The following BOC variants were observed in gnomAD, a reference collection of about 807,000 sequenced individuals.
The protein encoded by BOC is brother of CDO.
BOC carries 76 observed loss-of-function variants against 112.0 expected under a neutral mutation model. The ratio of observed to expected loss-of-function variants is 0.68; its 90% CI spans 0.56 to 0.82. The LOEUF (loss-of-function observed/expected upper bound fraction) is 0.82, where lower values mean the gene tolerates loss of function less well. Among genes scored for constraint, BOC ranks in the 40% least tolerant of loss-of-function variants. The probability of loss-of-function intolerance (pLI) is 0.00; values close to 1 mark genes in which losing one functional copy is unlikely to be tolerated. For synonymous variants in BOC, 580 were observed against 599.8 expected (o/e 0.97, Z 0.48); for missense variants, 1,309 against 1,511.7 (o/e 0.87, Z 2.22).
chr3:113,266,750 C>T (rs971640763), intron 4 of BOC, among the ~76,000 whole-genome samples: 6 of 152,336 alleles, frequency 3.9e-5, no homozygotes, highest in East Asian at 1.9e-4. Flanking sequence ...ACTCGGTCCA[C>T]GCCCCTAAAG....
intron 2 of BOC, among the ~76,000 whole-genome samples, chr3:113,221,881 C>T (rs939986601): frequency 6.6e-6 from 1 of 152,192 alleles, no homozygotes; most frequent in South Asian, 2.1e-4. Context: ...CTCCCTTCCC[C>T]CCTTGCCTAC....
chr3:113,287,109 AGGCT>A lies in BOC; in HGVS notation c.*251_*254del. The A allele has an allele frequency of 1.9e-6, 1 of 516,708 alleles. No individual in the cohort carries two copies. The highest frequency in any genetic ancestry group is 1.5e-5 in the South Asian group (1 of 64,874). The allele number at this position is 516,708 out of a possible 1,614,324, so 32.0% of individuals were successfully genotyped here. On this transcript the variant is annotated 3_prime_UTR_variant, in exon 20 of 20. Coordinates refer to ENST00000682979, the MANE Select transcript of BOC (RefSeq NM_001378074.1). Reference sequence around the variant, plus strand: ...GGAGTCACCCAGGAAAGCACCGCACAGGCTGGCGCGGGACAGACTCCTAACCTGG... The same window carrying A: ...GGAGTCACCCAGGAAAGCACCGCACAGGCGCGGGACAGACTCCTAACCTGG...
intron 18 of BOC, 107 bp downstream of exon 18, chr3:113,284,965 C>A: frequency 1.0e-6 from 1 of 1,004,082 alleles, no homozygotes; most frequent in Non-Finnish European, 1.5e-6. Context: ...GTGCTGTACT[C>A]AGGGGTCCCC....
At chr3:113,258,821 T>G (rs1946508169) in intron 4 of BOC, among the ~76,000 whole-genome samples, 2 of 152,240 alleles carry the variant, frequency 1.3e-5, no homozygotes. Flanking sequence ...ATAAGTTATG[T>G]GTATTTTACT....
intron 2 of BOC, among the ~76,000 whole-genome samples, chr3:113,247,408 A>G (rs76207821): frequency 0.032 from 4,882 of 151,820 alleles, 145 homozygotes; most frequent in East Asian, 0.084. Flanking sequence ...TTTTTGGTGT[A>G]AACTTTCCCT....
intron 4 of BOC, among the ~76,000 whole-genome samples, chr3:113,255,486 T>TAAA (rs1946133854): frequency 6.6e-6 from 1 of 152,198 alleles, no homozygotes; most frequent in Non-Finnish European, 1.5e-5. Flanking sequence ...TTTTAAGATT[T>TAAA]TTTGATAATT....
intron 1 of BOC, among the ~76,000 whole-genome samples, 190 bp from the exon 2 acceptor site, chr3:113,215,997 C>T (rs1939297314): frequency 6.6e-6 from 1 of 152,170 alleles, no homozygotes; most frequent in Non-Finnish European, 1.5e-5. Flanking sequence ...TTCATTTCAG[C>T]AGGGAGCCAG....
In BOC at chr3:113,275,954, G is replaced by C. The variant is rs540612030; in HGVS notation, c.1542+1272G>C. ...CCCTCTGCTGCCTCCCCAGAGGCAG[G>C]GGGACGGGGCGAGCAGTTTCTCATT... On this transcript the variant is annotated intron_variant, in intron 9 of 19. Transcript: ENST00000682979. Among the ~76,000 whole-genome samples, 230 of 152,334 alleles carry C rather than the reference G, an allele frequency of 1.5e-3. 2 individuals carry two copies. Among genetic ancestry groups the C allele is most frequent in the African/African-American group, 5.2e-3 (216 of 41,564 alleles).
At chr3:113,221,513 G>A (rs531004769) in intron 2 of BOC, among the ~76,000 whole-genome samples, 25 of 152,222 alleles carry the variant, frequency 1.6e-4, no homozygotes, top group African/African-American at 4.6e-4. Flanking sequence ...CATTCTACCA[G>A]GTGTGCCAAA....
chr3:113,277,275 C>A (rs970237383), intron 9 of BOC, among the ~76,000 whole-genome samples: 1 of 152,226 alleles, frequency 6.6e-6, no homozygotes, highest in African/African-American at 2.4e-5. Context: ...TATACAACTT[C>A]TCTCATTTAA....
At chr3:113,251,639 T>C (rs1292888424) in intron 4 of BOC, 1 of 152,200 alleles carries the variant, frequency 6.6e-6, no homozygotes, top group Non-Finnish European at 1.5e-5. Context: ...TTTTTTCCTA[T>C]TATGTGACAA....
At chr3:113,268,152 G>T in intron 4 of BOC, 147 bp from the exon 5 acceptor site, 2 of 1,263,466 alleles carry the variant, frequency 1.6e-6, no homozygotes, top group Non-Finnish European at 2.2e-6. Context: ...GACAACAAGG[G>T]GCTGGAGGAA....
At chr3:113,256,960 T>C (rs1946289332) in intron 4 of BOC, among the ~76,000 whole-genome samples, 1 of 152,216 alleles carries the variant, frequency 6.6e-6, no homozygotes, top group South Asian at 2.1e-4. Flanking sequence ...ATGTCTTTGC[T>C]ATTAATACCC....
At chr3:113,255,784 C>T (rs1483649364) in intron 4 of BOC, among the ~76,000 whole-genome samples, 2 of 152,204 alleles carry the variant, frequency 1.3e-5, no homozygotes, top group Non-Finnish European at 2.9e-5. Context: ...CGCCACTCAA[C>T]CTCATGAATC....
intron 9 of BOC, among the ~76,000 whole-genome samples, chr3:113,276,390 T>C (rs1447171981): frequency 6.6e-6 from 1 of 151,622 alleles, no homozygotes; most frequent in Non-Finnish European, 1.5e-5. Context: ...AGGCCAGTGC[T>C]GGGAGGGCAG....
At chr3:113,269,110 A>G (rs1947832527) in intron 5 of BOC, among the ~76,000 whole-genome samples, 1 of 152,192 alleles carries the variant, frequency 6.6e-6, no homozygotes, top group Non-Finnish European at 1.5e-5. Flanking sequence ...AAGGCTGCCT[A>G]ATAAGCCCAT....
chr3:113,278,219 C>T lies in BOC; in HGVS notation c.1667C>T (p.Ala556Val), dbSNP rs746840045. ...GTGGAGATGGCAGCTTACAACTGTGCGGGAGAGGGCCAGACAGCCATGGTC... is the reference window on the plus strand; with the variant it reads ...GTGGAGATGGCAGCTTACAACTGTGTGGGAGAGGGCCAGACAGCCATGGTC... ...YEVEMAAYNC[A>V]GEGQTAMVTF... The change falls in exon 10 of 20, where the codon GCG becomes GTG. Residue 556 changes from alanine to valine, a missense_variant. Transcript: ENST00000682979. This position sits in a 1 kb window ranked among gnomAD's most constrained non-coding sequence, Gnocchi z 4.2. 27 of 1,614,120 alleles carry T rather than the reference C, an allele frequency of 1.7e-5. No homozygotes were observed. The highest frequency in any genetic ancestry group is 1.6e-4 in the Middle Eastern group (1 of 6,062).
chr3:113,275,987 C>T (rs908344685), intron 9 of BOC, among the ~76,000 whole-genome samples: 1 of 152,186 alleles, frequency 6.6e-6, no homozygotes, highest in Admixed American at 6.6e-5. Context: ...ATTAGCCCTC[C>T]ACCTGCTGGC....
At chr3:113,276,565 C>T (rs571589348) in intron 9 of BOC, among the ~76,000 whole-genome samples, 12 of 152,324 alleles carry the variant, frequency 7.9e-5, no homozygotes, top group East Asian at 1.9e-4. Context: ...AAAGATCACC[C>T]GAGAAAGAAT....
Sources: allele counts gnomAD v4.1 joint callset (sites outside exome capture counted in the v4.1 genomes callset), GRCh38; gene constraint gnomAD v4.1.1; non-coding constraint Gnocchi (gnomAD v3.1); transcripts MANE v1.5; gene names NCBI Gene and HGNC (gene_info 2026-07-23, HGNC 2026-07-21).